The following LPP variants were observed in gnomAD, a reference collection of about 807,000 sequenced individuals.
The protein encoded by LPP is LIM domain containing preferred translocation partner in lipoma.
In LPP, 38 loss-of-function variants were observed where a neutral mutation model predicts 60.4. The observed-to-expected ratio is 0.63, with a 90% CI of 0.49 to 0.83. The LOEUF is 0.83. Ranked by LOEUF, LPP falls within the 40% of genes least tolerant of loss-of-function variation. The pLI is 0.00. For missense variants in LPP, 902 were observed against 783.6 expected, an observed-to-expected ratio of 1.15 and a Z score of -1.80; for synonymous variants, 328 against 290.8, an observed-to-expected ratio of 1.13 and a Z score of -1.30.
intron 7 of LPP, among the ~76,000 whole-genome samples, chr3:188,692,312 G>A (rs1298501059): frequency 9.2e-5 from 14 of 152,294 alleles, no homozygotes; most frequent in Admixed American, 6.5e-5. Flanking sequence ...TTCATGCACA[G>A]CACAGACAAT....
chr3:188,397,481 C>T (rs1004615721), intron 3 of LPP, among the ~76,000 whole-genome samples: 2 of 152,154 alleles, frequency 1.3e-5, no homozygotes, highest in African/African-American at 2.4e-5. Context: ...CGTCCTTAAC[C>T]TTCTCTCCTG....
intron 7 of LPP, among the ~76,000 whole-genome samples, chr3:188,649,525 A>G (rs997787995): frequency 6.6e-6 from 1 of 152,218 alleles, no homozygotes; most frequent in Non-Finnish European, 1.5e-5. Flanking sequence ...GTCCCTTTCC[A>G]TGCGGGAAGT....
intron 11 of LPP, 38 bp downstream of exon 11, chr3:188,872,801 G>A: frequency 1.2e-6 from 2 of 1,613,408 alleles, no homozygotes; most frequent in Non-Finnish European, 1.7e-6. Context: ...TCTGTGGCAG[G>A]CGTTGAAAGG....
At chr3:188,731,252 C>T (rs2150035896) in intron 8 of LPP, among the ~76,000 whole-genome samples, 1 of 152,244 alleles carries the variant, frequency 6.6e-6, no homozygotes, top group East Asian at 1.9e-4. Context: ...AGGCCCTACC[C>T]TTTGCATAGA....
intron 9 of LPP, among the ~76,000 whole-genome samples, chr3:188,763,201 C>T (rs1401004880): frequency 6.6e-6 from 1 of 151,780 alleles, no homozygotes; most frequent in Non-Finnish European, 1.5e-5. Context: ...AAAGGTATTC[C>T]ATACAAACCA....
intron 3 of LPP, among the ~76,000 whole-genome samples, chr3:188,364,521 C>T (rs1315711198): frequency 4.6e-5 from 7 of 152,136 alleles, no homozygotes; most frequent in African/African-American, 1.7e-4. Flanking sequence ...CATGCAAAAA[C>T]ACTCAGAGAT....
intron 10 of LPP, among the ~76,000 whole-genome samples, chr3:188,869,294 T>A (rs529264497): frequency 6.6e-6 from 1 of 152,270 alleles, no homozygotes; most frequent in East Asian, 1.9e-4. Context: ...TTGTTTATTT[T>A]ATTTATTTAT....
At chr3:188,448,357 A>G (rs1795767153) in intron 4 of LPP, among the ~76,000 whole-genome samples, 1 of 151,722 alleles carries the variant, frequency 6.6e-6, no homozygotes, top group Admixed American at 6.6e-5. Context: ...AAAAGCTAAC[A>G]CATAATAGAT....
Position 188,241,031 on chromosome 3 carries a change from G to A in LPP, c.-67+15504G>A, listed in dbSNP as rs547084130. ...TGCATAGTCTAAAGTGATGATTTTA[G>A]AGGTAGCAAGACAGTGAGAATGTCC... On this transcript the variant is annotated intron_variant, in intron 2 of 11. Coordinates refer to ENST00000617246, the MANE Select transcript of LPP (RefSeq NM_001375462.1). Among the ~76,000 whole-genome samples the A allele has an allele frequency of 7.2e-5, 11 of 152,286 alleles. No homozygotes were observed. The South Asian group carries it at 1.2e-3, about 17-fold the overall frequency.
intron 8 of LPP, chr3:188,710,760 A>G (rs1332112361): frequency 7.2e-6 from 1 of 138,318 alleles, no homozygotes; most frequent in Non-Finnish European, 1.7e-5. Flanking sequence ...ATATATTGCC[A>G]CAAAAAAAAA....
intron 2 of LPP, among the ~76,000 whole-genome samples, chr3:188,301,013 C>T (rs1749663364): frequency 6.6e-6 from 1 of 152,262 alleles, no homozygotes; most frequent in Middle Eastern, 3.4e-3. Flanking sequence ...TATGTGTCTG[C>T]TCAGCATCTT....
At chr3:188,539,791 G>C (rs1317806690) in intron 6 of LPP, among the ~76,000 whole-genome samples, 1 of 152,082 alleles carries the variant, frequency 6.6e-6, no homozygotes, top group South Asian at 2.1e-4. Flanking sequence ...ATGAATCTTG[G>C]CAGTAATTCT....
At chr3:188,537,746 A>G (rs769770732) in intron 6 of LPP, among the ~76,000 whole-genome samples, 3 of 152,164 alleles carry the variant, frequency 2.0e-5, no homozygotes, top group Admixed American at 2.0e-4. Context: ...GAATTGACAA[A>G]CATCCTTAAA....
At position 188,457,747 on chromosome 3, in the gene LPP, T is replaced by TAC. The variant is rs1798074987; in HGVS notation, c.194-26844_194-26843insCA. Among the ~76,000 whole-genome samples, 4 of 147,124 alleles carry TAC rather than the reference T, an allele frequency of 2.7e-5. No homozygotes were observed. In the Admixed American group the frequency reaches 2.7e-4, roughly 10 times the overall value. On this transcript the variant is annotated intron_variant, in intron 4 of 11. Transcript: ENST00000617246. ...CTCTACTAAAAAAAAAAAATATATA[T>TAC]ATATATATAAAATTAGCCAGGCGTG...
At chr3:188,404,082 G>A (rs1782857479) in intron 3 of LPP, among the ~76,000 whole-genome samples, 2 of 152,152 alleles carry the variant, frequency 1.3e-5, no homozygotes, top group Non-Finnish European at 1.5e-5. Flanking sequence ...ACATCAAGCT[G>A]TTCTTCCAAG....
At chr3:188,832,214 C>T (rs1477361736) in intron 9 of LPP, among the ~76,000 whole-genome samples, 1 of 152,106 alleles carries the variant, frequency 6.6e-6, no homozygotes, top group Non-Finnish European at 1.5e-5. Context: ...ACGAGTCCAT[C>T]TCAGCAGATA....
At chr3:188,581,376 C>T (rs1429275250) in intron 6 of LPP, among the ~76,000 whole-genome samples, 2 of 152,162 alleles carry the variant, frequency 1.3e-5, no homozygotes, top group African/African-American at 4.8e-5. Context: ...GGAAACAGAA[C>T]CACAGTGGGT....
At chr3:188,785,651 G>A (rs138721014) in intron 9 of LPP, among the ~76,000 whole-genome samples, 2,338 of 150,658 alleles carry the variant, frequency 0.016, 62 homozygotes, top group African/African-American at 0.053. Context: ...TTGCAATTGC[G>A]AATTGTGCTG....
In LPP at chr3:188,316,516, A is replaced by G. The variant is rs1055940377; in HGVS notation, c.-66-25147A>G. ...AGAATGCTAGCAGTGTTGCAATAGC[A>G]GAGATCACATGATGCCCATGATGTT... On this transcript the variant is annotated intron_variant, in intron 2 of 11. Coordinates refer to ENST00000617246, the MANE Select transcript of LPP (RefSeq NM_001375462.1). 8.5e-5 allele frequency among the ~76,000 whole-genome samples: 13 copies of G among 152,334 alleles called. No individual in the cohort carries two copies. The South Asian group carries it at 2.5e-3, about 29-fold the overall frequency.
Sources: allele counts gnomAD v4.1 joint callset (sites outside exome capture counted in the v4.1 genomes callset), GRCh38; gene constraint gnomAD v4.1.1; transcripts MANE v1.5; gene names NCBI Gene and HGNC (gene_info 2026-07-23, HGNC 2026-07-21).